Variants in ITLN1 observed in about 807,000 individuals in gnomAD.
The protein encoded by ITLN1 is intelectin 1, also known as intelectin-1.
ITLN1 carries 29 observed loss-of-function variants against 36.2 expected under a neutral mutation model. That is an observed-to-expected ratio of 0.80 (90% CI 0.60 to 1.09). The LOEUF (loss-of-function observed/expected upper bound fraction) is 1.09. Ranked by LOEUF, ITLN1 falls within the 50% of genes least tolerant of loss-of-function variation. ITLN1 has a pLI of 0.00. For missense variants in ITLN1, 358 were observed against 405.2 expected, an observed-to-expected ratio of 0.88 and a Z score of 1.00; for synonymous variants, 143 against 146.5, an observed-to-expected ratio of 0.98 and a Z score of 0.17.
In ITLN1 at chr1:160,881,318, A is replaced by G. The variant is rs1200077310; in HGVS notation, c.406-6T>C. On this transcript the variant is annotated splice_polypyrimidine_tract_variant and splice_region_variant and intron_variant, in intron 4 of 7. Coordinates refer to ENST00000326245, the MANE Select transcript of ITLN1 (RefSeq NM_017625.3). ...ATGTCGTAGTAGCCAGGGTTCTGGAAAGCAACAGACACTGAGCCTGACTGG... is the reference window on the plus strand; with the variant it reads ...ATGTCGTAGTAGCCAGGGTTCTGGAGAGCAACAGACACTGAGCCTGACTGG... 6 of 1,582,716 alleles carry G rather than the reference A, an allele frequency of 3.8e-6. No individual in the cohort carries two copies. The South Asian group carries it at 5.8e-5, about 15-fold the overall frequency.
rs1294515287 is a variant in ITLN1 at position 160,879,374 on chromosome 1, A to G, written c.726T>C (p.Asn242=). ...ACAAGGCGTTGGCTGCTCTCTCGTT[A>G]TTAAATACCCTGAACTGAACAAATC... The part of the protein sequence containing the change: ...TAGFVQFRVF[N]NERAANALCA... Residue 242 remains asparagine (N), a synonymous_variant, in exon 7 of 8, where the codon AAT becomes AAC. Coordinates refer to ENST00000326245, the MANE Select transcript of ITLN1 (RefSeq NM_017625.3). 1 of 1,614,184 alleles carries G rather than the reference A, an allele frequency of 6.2e-7. No homozygotes were observed. Among genetic ancestry groups the G allele is most frequent in the Non-Finnish European group, 8.5e-7 (1 of 1,180,022 alleles).
At chr1:160,883,120 A>T (rs186422692) in intron 3 of ITLN1, among the ~76,000 whole-genome samples, 84 of 152,232 alleles carry the variant, frequency 5.5e-4, no homozygotes, top group African/African-American at 2.0e-3. Flanking sequence ...CACCCCTCTC[A>T]GCCTCCTAAA....
At chr1:160,880,305 C>G (rs1444661415) in intron 6 of ITLN1, among the ~76,000 whole-genome samples, 1 of 145,586 alleles carries the variant, frequency 6.9e-6, no homozygotes, top group Non-Finnish European at 1.5e-5. Flanking sequence ...AACTCCATCT[C>G]AAAAAAAAAA....
Position 160,882,043 on chromosome 1 carries a change from T to C in ITLN1, c.319A>G (p.Lys107Glu). ...GDRWSSQQGSKAVYPEGDGNW... is the reference protein window; with the variant it reads ...GDRWSSQQGSEAVYPEGDGNW... Reference sequence around the variant, plus strand: ...CCGTCCCCCTCTGGGTAGACTGCTTTGCTGCCCTGCTGACTGGACCAGCGA... The same window carrying C: ...CCGTCCCCCTCTGGGTAGACTGCTTCGCTGCCCTGCTGACTGGACCAGCGA... The change falls in exon 4 of 8, where the codon AAA becomes GAA. Residue 107 changes from lysine to glutamate, a missense_variant. By Grantham distance (56) the Lys-to-Glu change is moderately conservative. Coordinates refer to ENST00000326245, the MANE Select transcript of ITLN1 (RefSeq NM_017625.3). 6.2e-7 allele frequency: 1 copy of C among 1,614,154 alleles called. No individual in the cohort carries two copies. The highest frequency in any genetic ancestry group is 2.2e-5 in the East Asian group (1 of 44,884).
chr1:160,876,943 TC>T lies in ITLN1; in HGVS notation c.790-128del, dbSNP rs539433227. On this transcript the variant is annotated intron_variant, in intron 7 of 7. Coordinates refer to ENST00000326245, the MANE Select transcript of ITLN1 (RefSeq NM_017625.3). ...CTCTCCATTGACAGTGTTGATCTAT[TC>T]TTCCCATAAAAACCTCTCTTCCTTG... 238 of 983,424 alleles carry T rather than the reference TC, an allele frequency of 2.4e-4. No individual in the cohort carries two copies. The African/African-American group carries it at 3.2e-3, about 13-fold the overall frequency. The allele number at this position is 983,424 out of a possible 1,614,324, so 60.9% of individuals were successfully genotyped here.
chr1:160,884,238 A>G (rs1272392722), intron 2 of ITLN1, among the ~76,000 whole-genome samples: 1 of 152,080 alleles, frequency 6.6e-6, no homozygotes. Context: ...GGGAGTGGTG[A>G]GACTAATCTC....
chr1:160,878,033 T>C (rs1482146576), intron 7 of ITLN1, among the ~76,000 whole-genome samples: 7 of 152,156 alleles, frequency 4.6e-5, no homozygotes. Context: ...CCCAGTGTGG[T>C]GGCTTATGCC....
At chr1:160,880,165 C>T (rs1031917923) in intron 6 of ITLN1, among the ~76,000 whole-genome samples, 2 of 152,024 alleles carry the variant, frequency 1.3e-5, no homozygotes, top group African/African-American at 2.4e-5. Context: ...ATCAGCTGGG[C>T]GTGGTGGTGG....
At chr1:160,883,320 A>T in intron 3 of ITLN1, 108 bp downstream of exon 3, 1 of 677,226 alleles carries the variant, frequency 1.5e-6, no homozygotes, top group Non-Finnish European at 2.5e-6. Context: ...TGTAAATTAT[A>T]ATATACATAT....
rs367667103 is a variant in ITLN1 at position 160,883,421 on chromosome 1, C to A, written c.157+7G>T. ...ACTGAGCTCTGTTTGAATGTTTCAT[C>A]ACTCACCAAATGCACTAGGACATTC... On this transcript the variant is annotated splice_region_variant and intron_variant, in intron 3 of 7. Coordinates refer to ENST00000326245, the MANE Select transcript of ITLN1 (RefSeq NM_017625.3). 3.3e-5 allele frequency: 53 copies of A among 1,597,690 alleles called. No homozygotes were observed. In the African/African-American group the frequency reaches 5.9e-4, roughly 18 times the overall value.
At chr1:160,881,355 C>T in intron 4 of ITLN1, 43 bp from the exon 5 acceptor site, 2 of 1,521,134 alleles carry the variant, frequency 1.3e-6, no homozygotes, top group East Asian at 2.3e-5. Flanking sequence ...CCAGGAGGTC[C>T]CAGGAGGCAG....
intron 2 of ITLN1, among the ~76,000 whole-genome samples, chr1:160,883,766 C>T (rs1293011792): frequency 6.6e-6 from 1 of 152,208 alleles, no homozygotes; most frequent in Admixed American, 6.5e-5. Flanking sequence ...AGTCTGCCTC[C>T]CGCCACAAGA....
chr1:160,877,920 G>C (rs373637611), intron 7 of ITLN1, among the ~76,000 whole-genome samples: 17 of 152,260 alleles, frequency 1.1e-4, no homozygotes, highest in African/African-American at 3.9e-4. Flanking sequence ...TGTAATCCTA[G>C]CACTATGGGA....
chr1:160,881,863 A>C, intron 4 of ITLN1, 94 bp downstream of exon 4: 2 of 1,522,874 alleles, frequency 1.3e-6, no homozygotes, highest in South Asian at 1.1e-5. Flanking sequence ...AGCCCATCCC[A>C]CACCCCTACC....
chr1:160,883,627 C>T (rs1345028134), intron 2 of ITLN1, 101 bp from the exon 3 acceptor site: 27 of 792,546 alleles, frequency 3.4e-5, no homozygotes, highest in East Asian at 5.4e-5. Flanking sequence ...AGCAGAACCT[C>T]GCTGCCCGGG....
intron 4 of ITLN1, 77 bp from the exon 5 acceptor site, chr1:160,881,389 C>G (rs1352716480): frequency 4.7e-5 from 69 of 1,474,108 alleles, no homozygotes; most frequent in Non-Finnish European, 5.9e-5. Context: ...GCAACTTCAG[C>G]TGGACTGTGA....
At chr1:160,881,492 T>C in intron 4 of ITLN1, 180 bp from the exon 5 acceptor site, 1 of 624,208 alleles carries the variant, frequency 1.6e-6, no homozygotes, top group Non-Finnish European at 2.6e-6. Flanking sequence ...CCTAACAGCC[T>C]TGTTAGGAGG....
intron 2 of ITLN1, among the ~76,000 whole-genome samples, chr1:160,884,014 C>T (rs996243289): frequency 5.9e-5 from 9 of 152,138 alleles, no homozygotes; most frequent in Non-Finnish European, 1.0e-4. Context: ...GAAGGCAAGA[C>T]GGGTTGTCTC....
intron 3 of ITLN1, 106 bp from the exon 4 acceptor site, chr1:160,882,310 CT>C: frequency 7.1e-7 from 1 of 1,415,310 alleles, no homozygotes; most frequent in Non-Finnish European, 9.5e-7. Context: ...CTAAAGGCTC[CT>C]GTCCTGACTC....
Sources: allele counts gnomAD v4.1 joint callset (sites outside exome capture counted in the v4.1 genomes callset), GRCh38; gene constraint gnomAD v4.1.1; transcripts MANE v1.5; gene names NCBI Gene and HGNC (gene_info 2026-07-23, HGNC 2026-07-21).